SH2D2A: variants seen among roughly 807,000 people sequenced by gnomAD.
SH2D2A encodes SH2 domain containing 2A, also known as SH2 domain-containing protein 2A.
In SH2D2A, 33 loss-of-function variants were observed where a neutral mutation model predicts 43.6. That is an observed-to-expected ratio of 0.76 (90% CI 0.57 to 1.01). SH2D2A has a LOEUF of 1.01. Among genes scored for constraint, SH2D2A ranks in the 50% least tolerant of loss-of-function variants. The pLI is 0.00. For missense variants in SH2D2A, 491 were observed against 503.1 expected, an observed-to-expected ratio of 0.98 and a Z score of 0.23; for synonymous variants, 212 against 206.1, an observed-to-expected ratio of 1.03 and a Z score of -0.25.
rs906970131 is a variant in SH2D2A, at chr1:156,807,741, G to A, written c.1003-396C>T. On this transcript the variant is annotated intron_variant, in intron 7 of 8. Transcript: ENST00000368199. The surrounding 1 kb of genome is among the most constrained non-coding windows in gnomAD (Gnocchi z 5.1). ...GAAAGTTGCCAGGCAGCGGGAGGATGAGGTTGCAGGAAGTTGCTATAGGCA... is the reference window on the plus strand; with the variant it reads ...GAAAGTTGCCAGGCAGCGGGAGGATAAGGTTGCAGGAAGTTGCTATAGGCA... Among the ~76,000 whole-genome samples the A allele has an allele frequency of 3.9e-5, 6 of 152,214 alleles. No individual in the cohort carries two copies. The highest frequency in any genetic ancestry group is 1.4e-4 in the African/African-American group (6 of 41,452).
In SH2D2A at chr1:156,809,371, A is replaced by G. The variant is rs1240323583; in HGVS notation, c.834T>C (p.Pro278=). The G allele has an allele frequency of 1.2e-6, 2 of 1,613,924 alleles. No individual in the cohort carries two copies. Among genetic ancestry groups the G allele is most frequent in the East Asian group, 2.2e-5 (1 of 44,878 alleles). Residue 278 remains proline (P), a synonymous_variant, in exon 7 of 9, where the codon CCT becomes CCC. Transcript: ENST00000368199. The surrounding 1 kb of genome is among the most constrained non-coding windows in gnomAD (Gnocchi z 4.8). ...TGGGTTCATCAGGCTCATTGTAGAT[A>G]GGATTGGAGGGCTTGGGGCGTGGGG... ...RPAPRPKPSN[P]IYNEPDEPIA...
intron 7 of SH2D2A, among the ~76,000 whole-genome samples, chr1:156,808,019 C>G (rs1653092407): frequency 6.6e-6 from 1 of 152,042 alleles, no homozygotes; most frequent in Admixed American, 6.5e-5. Flanking sequence ...CTCTTGGGAG[C>G]CAGGTGAGGT....
Position 156,809,672 on chromosome 1 carries a change from C to T in SH2D2A, c.703G>A (p.Gly235Arg), listed in dbSNP as rs376035537. The part of the protein sequence containing the change: ...APVPMQKEGA[G>R]EKEPSQLLRP... ...CTGCAGCCCAATACCTCCTTCTCCCCGGCCCCCTCTTTCTGCATCGGGACT... is the reference window on the plus strand; with the variant it reads ...CTGCAGCCCAATACCTCCTTCTCCCTGGCCCCCTCTTTCTGCATCGGGACT... The change falls in exon 6 of 9, where the codon GGG becomes AGG. Residue 235 changes from glycine to arginine, a missense_variant. By Grantham distance (125) the Gly-to-Arg change is moderately radical. Coordinates refer to ENST00000368199, the MANE Select transcript of SH2D2A (RefSeq NM_003975.4). This position sits in a 1 kb window ranked among gnomAD's most constrained non-coding sequence, Gnocchi z 4.8. The T allele has an allele frequency of 1.6e-5, 25 of 1,610,918 alleles. No individual in the cohort carries two copies. The highest frequency in any genetic ancestry group is 2.2e-5 in the East Asian group (1 of 44,882).
intron 2 of SH2D2A, chr1:156,815,716 A>G: frequency 1.7e-6 from 2 of 1,159,116 alleles, no homozygotes; most frequent in Non-Finnish European, 2.6e-6. Flanking sequence ...ACTGACACAG[A>G]GTGCAGATGC....
rs1169621466 is a variant in SH2D2A, at chr1:156,809,479, C to T, written c.726G>A (p.Leu242=). Residue 242 remains leucine (L), a synonymous_variant, in exon 7 of 9, where the codon CTG becomes CTA. Transcript: ENST00000368199. The surrounding 1 kb of genome is among the most constrained non-coding windows in gnomAD (Gnocchi z 4.8). ...CGGGGATGGGAGGCTTGGGCCTGAG[C>T]AGCTGGGAGGGCTGGGAGAGAAGGT... ...EGAGEKEPSQ[L]LRPKPPIPAK... 6.2e-7 allele frequency: 1 copy of T among 1,602,852 alleles called. No homozygotes were observed.
At position 156,809,918 on chromosome 1, in the gene SH2D2A, G is replaced by T. The variant is rs1653292341; in HGVS notation, c.568-111C>A. ...GTGGAGGATGGGGGAAGGGGGAGGAGCACAGAAATTTGGCCTGGGCTGGGT... is the reference window on the plus strand; with the variant it reads ...GTGGAGGATGGGGGAAGGGGGAGGATCACAGAAATTTGGCCTGGGCTGGGT... On this transcript the variant is annotated intron_variant, in intron 5 of 8. Coordinates refer to ENST00000368199, the MANE Select transcript of SH2D2A (RefSeq NM_003975.4). This position sits in a 1 kb window ranked among gnomAD's most constrained non-coding sequence, Gnocchi z 4.8. 5 of 1,283,854 alleles carry T rather than the reference G, an allele frequency of 3.9e-6. No homozygotes were observed. The highest frequency in any genetic ancestry group is 2.2e-5 in the Admixed American group (1 of 45,066). The allele number at this position is 1,283,854 out of a possible 1,614,324, so 79.5% of individuals were successfully genotyped here.
In SH2D2A at chr1:156,815,291, C is replaced by T. The variant is rs146042896; in HGVS notation, c.124-70G>A. 7.0e-4 allele frequency: 846 copies of T among 1,208,474 alleles called. 7 individuals carry two copies. In the African/African-American group the frequency reaches 0.011, roughly 16 times the overall value. 74.9% of individuals were successfully genotyped at this position (1,208,474 alleles called of 1,614,324 possible). A position where few individuals can be genotyped will look rare whatever the true frequency, so the allele number is the denominator to read the frequency against. Reference sequence around the variant, plus strand: ...TGGGCCTTCTCCTGACTTTGATCCACCTGCCACCTTCTTTTCCTCATACCC... The same window carrying T: ...TGGGCCTTCTCCTGACTTTGATCCATCTGCCACCTTCTTTTCCTCATACCC... On this transcript the variant is annotated intron_variant, in intron 2 of 8. Transcript: ENST00000368199.
Position 156,807,273 on chromosome 1 carries a change from G to T in SH2D2A, c.1075C>A (p.Pro359Thr). 1 of 1,599,190 alleles carries T rather than the reference G, an allele frequency of 6.3e-7. No individual in the cohort carries two copies. Residue 359 changes from proline to threonine, a missense_variant, in exon 8 of 9, where the codon CCA becomes ACA. Physicochemically the swap from Pro to Thr is conservative, Grantham distance 38 (BLOSUM62 -1). Coordinates refer to ENST00000368199, the MANE Select transcript of SH2D2A (RefSeq NM_003975.4). This position sits in a 1 kb window ranked among gnomAD's most constrained non-coding sequence, Gnocchi z 5.1. ...GQGPPLPHQP[P>T]PAWRHTLPHN... ...GGGAGGGTGTGTCTCCAGGCGGGTG[G>T]GGGCTGGTGGGGCAGGGGAGGGCCT... is the stretch of plus-strand genomic sequence containing the variant.
intron 3 of SH2D2A, 40 bp downstream of exon 3, chr1:156,814,997 C>A (rs759689234): frequency 1.4e-6 from 2 of 1,431,952 alleles, no homozygotes; most frequent in Non-Finnish European, 1.8e-6. Flanking sequence ...CAGGACTTGC[C>A]CTGCCCCTGT....
At chr1:156,815,297 A>G in intron 2 of SH2D2A, 76 bp from the exon 3 acceptor site, 1 of 1,175,698 alleles carries the variant, frequency 8.5e-7, no homozygotes, top group Non-Finnish European at 1.2e-6. Flanking sequence ...TCCACCTGCC[A>G]CCTTCTTTTC....
chr1:156,816,678 G>C lies in SH2D2A; in HGVS notation c.31C>G (p.Gln11Glu), dbSNP rs1366082371. 3 of 1,602,028 alleles carry C rather than the reference G, an allele frequency of 1.9e-6. No homozygotes were observed. The highest frequency in any genetic ancestry group is 2.6e-6 in the Non-Finnish European group (3 of 1,173,784). MEFPLAQICP[Q>E]GSHEAPIPTF... is the part of the protein sequence containing the mutation. ...TATCCTTCAACTTCACACTTACCTT[G>C]GGGACATATCTGGGCCAGGGGGAAC... Residue 11 changes from glutamine to glutamate, a missense_variant, in exon 1 of 9, where the codon CAA becomes GAA. Physicochemically the swap from Gln to Glu is conservative, Grantham distance 29 (BLOSUM62 2). Transcript: ENST00000368199.
At position 156,812,526 on chromosome 1, in the gene SH2D2A, T is replaced by C. The variant is rs1166078234; in HGVS notation, c.567+1322A>G. On this transcript the variant is annotated intron_variant, in intron 5 of 8. Coordinates refer to ENST00000368199, the MANE Select transcript of SH2D2A (RefSeq NM_003975.4). ...AATGCTTTTCCTCCAGTTGTCTGCA[T>C]GGCTCTTCTCCTATTTCATACAGGC... is the stretch of plus-strand genomic sequence containing the variant. Among the ~76,000 whole-genome samples, 3 of 152,386 alleles carry C rather than the reference T, an allele frequency of 2.0e-5. No homozygotes were observed. In the East Asian group the frequency reaches 5.8e-4, roughly 29 times the overall value.
rs1653028541 is a variant in SH2D2A, at chr1:156,807,219, C to A, written c.1129G>T (p.Asp377Tyr). The change falls in exon 8 of 9, where the codon GAC (aspartate) becomes TAC (tyrosine). Residue 377 changes from aspartate (D) to tyrosine (Y), a missense_variant. Coordinates refer to ENST00000368199, the MANE Select transcript of SH2D2A (RefSeq NM_003975.4). This position sits in a 1 kb window ranked among gnomAD's most constrained non-coding sequence, Gnocchi z 5.1. The part of the protein sequence containing the change: ...PHNLSRQVLQ[D>Y]RGQAWLPLGP... ...AGGGGAAGCCATGCCTGTCCTCTGT[C>A]CTGAAGCACCTGTCTAGAAAGATTG... The A allele has an allele frequency of 6.2e-7, 1 of 1,612,390 alleles. No homozygotes were observed.
rs559111290 is a variant in SH2D2A, at chr1:156,814,080, C to A, written c.399-64G>T. 2.4e-3 allele frequency: 3,635 copies of A among 1,495,490 alleles called. 10 individuals carry two copies. The highest frequency in any genetic ancestry group is 0.022 in the Middle Eastern group (118 of 5,270). 92.6% of individuals were successfully genotyped at this position (1,495,490 alleles called of 1,614,324 possible). ...CTCGGCCAGGGTCACCAGCGAGAGG[C>A]GTGATCCCCACCTTCAGCAGCCCGG... On this transcript the variant is annotated intron_variant, in intron 4 of 8. Coordinates refer to ENST00000368199, the MANE Select transcript of SH2D2A (RefSeq NM_003975.4).
In SH2D2A at chr1:156,809,570, C is replaced by T. The variant is rs1048766093; in HGVS notation, c.715-80G>A. 2.6e-6 allele frequency: 4 copies of T among 1,554,450 alleles called. No individual in the cohort carries two copies. The South Asian group carries it at 3.7e-5, about 14-fold the overall frequency. ...CCCCAGCCTAACTCCCAGCCTGAGC[C>T]TCTGCCCCCGCTAGGCCCCTCCTCC... On this transcript the variant is annotated intron_variant, in intron 6 of 8. Transcript: ENST00000368199. This position sits in a 1 kb window ranked among gnomAD's most constrained non-coding sequence, Gnocchi z 4.8.
rs1211791558 is a variant in SH2D2A, at chr1:156,814,306, GGAGA to G, written c.309-16_309-13del. On this transcript the variant is annotated splice_polypyrimidine_tract_variant and intron_variant, in intron 3 of 8. Coordinates refer to ENST00000368199, the MANE Select transcript of SH2D2A (RefSeq NM_003975.4). ...GCCTCTCTGCCTCCCTGTGGGTGAC[GGAGA>G]GAGGGGGCCGAACCCTGCTCTGACA... The G allele has an allele frequency of 6.2e-7, 1 of 1,611,704 alleles. No homozygotes were observed. Among genetic ancestry groups the G allele is most frequent in the Non-Finnish European group, 8.5e-7 (1 of 1,179,100 alleles).
At chr1:156,815,890 C>A in intron 2 of SH2D2A, 116 bp downstream of exon 2, 1 of 1,613,406 alleles carries the variant, frequency 6.2e-7, no homozygotes, top group Non-Finnish European at 8.5e-7. Context: ...TTGGCAGACC[C>A]GGATCATTCC....
chr1:156,815,774 G>A (rs1571627839), intron 2 of SH2D2A: 1 of 1,611,142 alleles, frequency 6.2e-7, no homozygotes, highest in Admixed American at 1.7e-5. Flanking sequence ...TGCGGACTCA[G>A]CCTGAGCTTC....
chr1:156,812,629 A>G (rs1317191895), intron 5 of SH2D2A, among the ~76,000 whole-genome samples: 1 of 152,172 alleles, frequency 6.6e-6, no homozygotes, highest in African/African-American at 2.4e-5. Context: ...GTCACTCTTC[A>G]ACAATATTTC....
Sources: allele counts gnomAD v4.1 joint callset (sites outside exome capture counted in the v4.1 genomes callset), GRCh38; gene constraint gnomAD v4.1.1; non-coding constraint Gnocchi (gnomAD v3.1); transcripts MANE v1.5; gene names NCBI Gene and HGNC (gene_info 2026-07-23, HGNC 2026-07-21).